Variants in DRD2 observed in about 807,000 individuals in gnomAD.
The protein encoded by DRD2 is D(2) dopamine receptor.
In DRD2, 8 loss-of-function variants were observed where a neutral mutation model predicts 38.0. The observed-to-expected ratio is 0.21, with a 90% confidence interval of 0.12 to 0.38. DRD2 has a LOEUF of 0.38. Among genes scored for constraint, DRD2 ranks in the 10% least tolerant of loss-of-function variants. The pLI, the probability that DRD2 is intolerant of heterozygous loss-of-function variation, is 1.00. For synonymous variants in DRD2, 230 were observed against 238.6 expected, an observed-to-expected ratio of 0.96 and a Z score of 0.33; for missense variants, 403 against 607.7, an observed-to-expected ratio of 0.66 and a Z score of 3.54.
Position 113,410,544 on chromosome 11 carries a change from C to T in DRD2, c.*183G>A, listed in dbSNP as rs199530432. 57 of 803,486 alleles carry T rather than the reference C, an allele frequency of 7.1e-5. No individual in the cohort carries two copies. Among genetic ancestry groups the T allele is most frequent in the Non-Finnish European group, 1.1e-4 (56 of 489,112 alleles). 49.8% of individuals were successfully genotyped at this position (803,486 alleles called of 1,614,324 possible). On this transcript the variant is annotated 3_prime_UTR_variant, in exon 8 of 8. Transcript: ENST00000362072. ...TACCATGCCCAGCTCACTAGCACTG[C>T]CCTGGCAGAGTGAGGGTGTGCGGGC...
At position 113,410,831 on chromosome 11, in the gene DRD2, C is replaced by A. The variant is rs758683320; in HGVS notation, c.1228G>T (p.Ala410Ser). Residue 410 changes from alanine to serine, a missense_variant, in exon 8 of 8, where the codon GCC (alanine) becomes TCC (serine). Physicochemically the swap from Ala to Ser is moderately conservative, Grantham distance 99. Around this residue, in one of 4 missense-constraint regions of DRD2, gnomAD observed 67 missense variants for 136.1 expected, o/e 0.49. Coordinates refer to ENST00000362072, the MANE Select transcript of DRD2 (RefSeq NM_000795.4). Reference protein sequence around the residue: ...DCNIPPVLYSAFTWLGYVNSA... With the variant: ...DCNIPPVLYSSFTWLGYVNSA... ...TTGACATAGCCCAGCCACGTGAAGG[C>A]GCTGTACAGGACAGGCGGGATGTTG... is the stretch of plus-strand genomic sequence containing the variant. 1.2e-6 allele frequency: 2 copies of A among 1,614,132 alleles called. No individual in the cohort carries two copies. The highest frequency in any genetic ancestry group is 1.7e-6 in the Non-Finnish European group (2 of 1,180,014).
chr11:113,418,239 G>A, intron 2 of DRD2, 103 bp from the exon 3 acceptor site: 1 of 923,624 alleles, frequency 1.1e-6, no homozygotes, highest in Non-Finnish European at 1.7e-6. Context: ...GACTCAGGAG[G>A]CAGCTGCAAG....
intron 1 of DRD2, among the ~76,000 whole-genome samples, chr11:113,438,218 A>C: frequency 6.6e-6 from 1 of 151,950 alleles, no homozygotes; most frequent in East Asian, 1.9e-4. Context: ...CAGACAGACA[A>C]CAGCTAGATC....
chr11:113,427,098 T>G (rs1020681781), intron 1 of DRD2, among the ~76,000 whole-genome samples: 2 of 152,252 alleles, frequency 1.3e-5, no homozygotes, highest in African/African-American at 4.8e-5. Context: ...AAGGGTTTGA[T>G]AGTTTGCTAA....
At chr11:113,410,949 C>A in intron 7 of DRD2, 29 bp from the exon 8 acceptor site, 1 of 1,594,122 alleles carries the variant, frequency 6.3e-7, no homozygotes, top group South Asian at 1.1e-5. Context: ...TCAGGCTGGT[C>A]CCCAGAGCCG....
intron 1 of DRD2, among the ~76,000 whole-genome samples, chr11:113,434,006 A>T (rs1227970914): frequency 6.6e-6 from 1 of 152,074 alleles, no homozygotes; most frequent in African/African-American, 2.4e-5. Flanking sequence ...CCTTCCTGCC[A>T]CTTGGGCTCA....
intron 1 of DRD2, among the ~76,000 whole-genome samples, chr11:113,437,499 A>C (rs887146035): frequency 2.0e-5 from 3 of 152,210 alleles, no homozygotes; most frequent in Non-Finnish European, 4.4e-5. Context: ...CCTTATAAAG[A>C]GGGAAGTTGA....
chr11:113,450,291 G>A (rs1483140592), intron 1 of DRD2, among the ~76,000 whole-genome samples: 3 of 152,176 alleles, frequency 2.0e-5, no homozygotes, highest in Admixed American at 1.3e-4. Context: ...TGCCAAACAA[G>A]CAACCAGAGC....
At chr11:113,418,414 T>C (rs1203845234) in intron 2 of DRD2, among the ~76,000 whole-genome samples, 1 of 152,210 alleles carries the variant, frequency 6.6e-6, no homozygotes, top group Non-Finnish European at 1.5e-5. Flanking sequence ...TAAACCTTAA[T>C]CTCTGCAACC....
chr11:113,411,056 G>A (rs1472319650), intron 7 of DRD2, 136 bp from the exon 8 acceptor site: 3 of 880,500 alleles, frequency 3.4e-6, no homozygotes, highest in Middle Eastern at 3.4e-4. Flanking sequence ...AGGAGTCCAG[G>A]TCTTGGATCC....
chr11:113,468,247 G>C (rs1951388650), intron 1 of DRD2, among the ~76,000 whole-genome samples: 1 of 152,198 alleles, frequency 6.6e-6, no homozygotes. Context: ...TTAGAGTCAG[G>C]ATTCAAATCC....
chr11:113,416,823 A>G, intron 4 of DRD2, 40 bp downstream of exon 4: 1 of 1,608,680 alleles, frequency 6.2e-7, no homozygotes, highest in Non-Finnish European at 8.5e-7. Context: ...GCAGGGGCCC[A>G]GGGCCAGCTG....
chr11:113,436,165 A>G (rs1316654222), intron 1 of DRD2, among the ~76,000 whole-genome samples: 1 of 152,144 alleles, frequency 6.6e-6, no homozygotes, highest in Non-Finnish European at 1.5e-5. Flanking sequence ...GCAAGATGGG[A>G]CTTGAGGACT....
At chr11:113,441,342 A>G (rs1951090053) in intron 1 of DRD2, among the ~76,000 whole-genome samples, 1 of 152,178 alleles carries the variant, frequency 6.6e-6, no homozygotes. Context: ...CCAGCAATGG[A>G]GAGTTGGTAC....
intron 6 of DRD2, 78 bp downstream of exon 6, chr11:113,414,297 G>C (rs1950800006): frequency 7.2e-7 from 1 of 1,385,668 alleles, no homozygotes; most frequent in African/African-American, 1.4e-5. Context: ...GCCAGCTTCT[G>C]AGGTCTCAGA....
intron 1 of DRD2, among the ~76,000 whole-genome samples, chr11:113,470,019 T>G (rs184366564): frequency 6.6e-6 from 1 of 152,156 alleles, no homozygotes; most frequent in Non-Finnish European, 1.5e-5. Flanking sequence ...GTTATGATGA[T>G]GAGGCCAGCA....
At chr11:113,415,983 C>T (rs904655923) in intron 4 of DRD2, among the ~76,000 whole-genome samples, 1 of 152,158 alleles carries the variant, frequency 6.6e-6, no homozygotes, top group African/African-American at 2.4e-5. Context: ...TTAGTCTGAC[C>T]TGTGTATTGG....
In DRD2 at chr11:113,419,499, A is replaced by T. The variant is rs1242994749; in HGVS notation, c.286-1363T>A. ...GAACGCACCGCCCTCCCCCCTCCCC[A>T]CGTAACACCCATTCACACACAGGCA... On this transcript the variant is annotated intron_variant, in intron 2 of 7. Coordinates refer to ENST00000362072, the MANE Select transcript of DRD2 (RefSeq NM_000795.4). Among the ~76,000 whole-genome samples, 9 of 21,744 alleles carry T rather than the reference A, an allele frequency of 4.1e-4. 1 individual carries two copies. The Admixed American group carries it at 4.3e-3, about 10-fold the overall frequency. 14.3% of individuals were successfully genotyped at this position (21,744 alleles called of 152,430 possible).
At chr11:113,413,543 C>T (rs1371703160) in intron 6 of DRD2, among the ~76,000 whole-genome samples, 2 of 152,220 alleles carry the variant, frequency 1.3e-5, no homozygotes, top group African/African-American at 2.4e-5. Context: ...AGTGCAGCCT[C>T]ACTATGTGCC....
Sources: gnomAD v4.1 joint callset for allele counts (sites outside exome capture counted in the v4.1 genomes callset) on GRCh38, gnomAD v4.1.1 for gene constraint, gnomAD v4.1.1 regional missense constraint, MANE v1.5 for transcripts, NCBI Gene and HGNC (gene_info 2026-07-23, HGNC 2026-07-21) for gene names.